Variants in KPNA3 observed in about 807,000 individuals in gnomAD.
The protein encoded by KPNA3 is karyopherin subunit alpha 3.
KPNA3 carries 13 observed loss-of-function variants against 73.8 expected under a neutral mutation model. The observed-to-expected ratio is 0.18, with a 90% CI of 0.11 to 0.28. The LOEUF (loss-of-function observed/expected upper bound fraction) is 0.28, where lower values mean the gene tolerates loss of function less well. Ranked by LOEUF, KPNA3 falls within the 10% of genes least tolerant of loss-of-function variation. The pLI, the probability that KPNA3 is intolerant of heterozygous loss-of-function variation, is 1.00. For missense variants in KPNA3, 360 were observed against 618.1 expected (o/e 0.58, Z 4.43); for synonymous variants, 186 against 206.9 (o/e 0.90, Z 0.87).
intron 7 of KPNA3, among the ~76,000 whole-genome samples, chr13:49,724,168 A>G (rs1954386553): frequency 1.3e-5 from 2 of 152,166 alleles, no homozygotes; most frequent in African/African-American, 2.4e-5. Flanking sequence ...CATTCACTTT[A>G]TCCACTCCTC....
intron 6 of KPNA3, among the ~76,000 whole-genome samples, chr13:49,729,869 T>C (rs182173882): frequency 4.6e-5 from 7 of 152,314 alleles, no homozygotes; most frequent in Admixed American, 3.9e-4. Flanking sequence ...TTATTTCCAT[T>C]CCTTACCATC....
At chr13:49,733,097 GAAAA>G (rs752133109) in intron 2 of KPNA3, 51 bp from the exon 3 acceptor site, 1 of 1,120,586 alleles carries the variant, frequency 8.9e-7, no homozygotes, top group Non-Finnish European at 1.3e-6. Flanking sequence ...TACTGTTAAT[GAAAA>G]ATCCATTAAA....
chr13:49,785,529 A>G (rs1954975086), intron 1 of KPNA3, among the ~76,000 whole-genome samples: 2 of 152,224 alleles, frequency 1.3e-5, no homozygotes, highest in African/African-American at 4.8e-5. Flanking sequence ...AATTTCCAGC[A>G]GATGATTTTA....
intron 5 of KPNA3, 62 bp downstream of exon 5, chr13:49,732,543 G>C (rs191818213): frequency 6.9e-7 from 1 of 1,447,356 alleles, no homozygotes; most frequent in East Asian, 2.3e-5. Context: ...TTAACTTCTA[G>C]ACTACCAGGT....
intron 1 of KPNA3, among the ~76,000 whole-genome samples, chr13:49,759,715 G>A (rs1302250428): frequency 6.6e-6 from 1 of 152,142 alleles, no homozygotes; most frequent in Admixed American, 6.5e-5. Context: ...AGGAAGTGGA[G>A]CTCGGGTGGT....
chr13:49,729,640 C>G (rs190563070), intron 6 of KPNA3, among the ~76,000 whole-genome samples: 18 of 152,094 alleles, frequency 1.2e-4, no homozygotes, highest in Non-Finnish European at 1.9e-4. Flanking sequence ...ATTAGCTGGG[C>G]GTGGTGGCAG....
intron 10 of KPNA3, among the ~76,000 whole-genome samples, chr13:49,715,880 G>A (rs1954299651): frequency 6.6e-6 from 1 of 152,316 alleles, no homozygotes; most frequent in African/African-American, 2.4e-5. Flanking sequence ...TTCAGGAAAT[G>A]GCCTAAATGC....
chr13:49,792,003 C>T (rs985815499), intron 1 of KPNA3, among the ~76,000 whole-genome samples: 2 of 152,202 alleles, frequency 1.3e-5, no homozygotes, highest in African/African-American at 4.8e-5. Flanking sequence ...CCATGTGAGC[C>T]GCGCGGGAGG....
intron 6 of KPNA3, among the ~76,000 whole-genome samples, chr13:49,730,895 G>A (rs2137552988): frequency 6.6e-6 from 1 of 151,006 alleles, no homozygotes; most frequent in East Asian, 2.0e-4. Flanking sequence ...TCCTGCCTCA[G>A]CCTCCCAAGT....
chr13:49,777,987 T>C (rs1205991753), intron 1 of KPNA3, among the ~76,000 whole-genome samples: 1 of 152,136 alleles, frequency 6.6e-6, no homozygotes, highest in Admixed American at 6.5e-5. Flanking sequence ...GCCCACATAA[T>C]CCACATTAAC....
Position 49,756,663 on chromosome 13 carries a change from C to T in KPNA3, c.70-9670G>A, listed in dbSNP as rs765501315. Among the ~76,000 whole-genome samples the T allele has an allele frequency of 3.6e-4, 55 of 152,272 alleles. 1 individual carries two copies. In the Middle Eastern group the frequency reaches 0.034, roughly 94 times the overall value. ...CTCATACTGATATACAGGTTTAATG[C>T]AATTCCTATCAAAATCCCAGCAATA... On this transcript the variant is annotated intron_variant, in intron 1 of 16. Coordinates refer to ENST00000261667, the MANE Select transcript of KPNA3 (RefSeq NM_002267.4).
chr13:49,730,172 C>T (rs140135140), intron 6 of KPNA3, among the ~76,000 whole-genome samples: 191 of 152,072 alleles, frequency 1.3e-3, no homozygotes, highest in African/African-American at 4.5e-3. Flanking sequence ...CACAGACACA[C>T]AAATGAGTCT....
At chr13:49,757,759 C>T (rs1280619555) in intron 1 of KPNA3, among the ~76,000 whole-genome samples, 1 of 152,102 alleles carries the variant, frequency 6.6e-6, no homozygotes, top group East Asian at 1.9e-4. Context: ...ATAGCTACAA[C>T]CTGGAAACAA....
chr13:49,742,684 C>T (rs918120312), intron 2 of KPNA3, among the ~76,000 whole-genome samples: 1 of 151,874 alleles, frequency 6.6e-6, no homozygotes, highest in Non-Finnish European at 1.5e-5. Flanking sequence ...TGAATCTGTA[C>T]ATCACTTTGG....
At chr13:49,753,245 T>C (rs1954681803) in intron 1 of KPNA3, among the ~76,000 whole-genome samples, 1 of 151,872 alleles carries the variant, frequency 6.6e-6, no homozygotes, top group African/African-American at 2.4e-5. Flanking sequence ...GGGGAATCCA[T>C]CCAGAAAAAC....
chr13:49,738,907 C>T (rs1029344878), intron 2 of KPNA3, among the ~76,000 whole-genome samples: 4 of 152,188 alleles, frequency 2.6e-5, no homozygotes, highest in Admixed American at 6.5e-5. Context: ...CCTCACCTTG[C>T]TTCTGAATCT....
intron 6 of KPNA3, among the ~76,000 whole-genome samples, chr13:49,726,540 G>C (rs1297645999): frequency 6.6e-6 from 1 of 152,120 alleles, no homozygotes; most frequent in African/African-American, 2.4e-5. Flanking sequence ...AGTGAGGAGT[G>C]TATTCTACAG....
intron 8 of KPNA3, 22 bp downstream of exon 8, chr13:49,722,455 G>A (rs748207688): frequency 1.8e-5 from 27 of 1,499,518 alleles, no homozygotes; most frequent in Non-Finnish European, 2.5e-5. Context: ...ATTCTTAAGA[G>A]GATTCCTTTC....
At position 49,733,035 on chromosome 13, in the gene KPNA3, A is replaced by G; in HGVS notation, c.126T>C (p.Asp42=). 6.2e-7 allele frequency: 1 copy of G among 1,607,684 alleles called. No homozygotes were observed. Among genetic ancestry groups the G allele is most frequent in the East Asian group, 2.2e-5 (1 of 44,760 alleles). ...CATTTCTCTTTTTCAATAAGTGTTC[A>G]TCTCTTTTGTTCTGAAAGGCAACCA... The part of the protein sequence containing the change: ...VTVELRKNKR[D]EHLLKKRNVP... Residue 42 remains aspartate, a synonymous_variant, in exon 3 of 17, where the codon GAT becomes GAC. Coordinates refer to ENST00000261667, the MANE Select transcript of KPNA3 (RefSeq NM_002267.4).
Sources: gnomAD v4.1 joint callset for allele counts (sites outside exome capture counted in the v4.1 genomes callset) on GRCh38, gnomAD v4.1.1 for gene constraint, MANE v1.5 for transcripts, NCBI Gene and HGNC (gene_info 2026-07-23, HGNC 2026-07-21) for gene names.